The following GBE1 variants were observed in gnomAD, a reference collection of about 807,000 sequenced individuals.
GBE1 encodes 1,4-alpha-glucan-branching enzyme.
Under a neutral mutation model 88.8 loss-of-function variants are expected in GBE1, and 70 were observed. The observed-to-expected ratio is 0.79, with a 90% CI of 0.65 to 0.96. The LOEUF (loss-of-function observed/expected upper bound fraction) is 0.96, where lower values mean the gene tolerates loss of function less well. GBE1 is among the 40% of genes least tolerant of loss of function. The pLI is 0.00. For synonymous variants in GBE1, 284 were observed against 300.1 expected (o/e 0.95, Z 0.56); for missense variants, 872 against 871.0 (o/e 1.00, Z -0.01).
At chr3:81,727,015 G>A (rs1706122434) in intron 1 of GBE1, among the ~76,000 whole-genome samples, 1 of 152,260 alleles carries the variant, frequency 6.6e-6, no homozygotes, top group East Asian at 1.9e-4. Flanking sequence ...GATGGGTGGA[G>A]GAGGGTATGG....
intron 1 of GBE1, among the ~76,000 whole-genome samples, chr3:81,709,800 T>C (rs980567502): frequency 1.3e-5 from 2 of 152,164 alleles, no homozygotes; most frequent in Non-Finnish European, 2.9e-5. Flanking sequence ...TTGAAATCAT[T>C]GTGGCTCAAA....
intron 7 of GBE1, among the ~76,000 whole-genome samples, chr3:81,641,660 C>T (rs1157721945): frequency 6.6e-6 from 1 of 151,996 alleles, no homozygotes; most frequent in African/African-American, 2.4e-5. Flanking sequence ...ACTGTCTTAT[C>T]TGGCATGAGT....
chr3:81,721,188 A>G (rs1706022328), intron 1 of GBE1, among the ~76,000 whole-genome samples: 1 of 105,866 alleles, frequency 9.4e-6, no homozygotes. Context: ...GTACCCTAAA[A>G]CTTAGAGTAT....
chr3:81,728,690 A>G (rs971793993), intron 1 of GBE1, among the ~76,000 whole-genome samples: 7 of 152,170 alleles, frequency 4.6e-5, no homozygotes, highest in African/African-American at 1.7e-4. Flanking sequence ...GAAGAAAAGG[A>G]AAAAGAAAGA....
intron 3 of GBE1, chr3:81,650,237 A>C (rs1704826309): frequency 5.4e-6 from 1 of 183,880 alleles, no homozygotes; most frequent in Non-Finnish European, 1.1e-5. Context: ...TATTATTTGG[A>C]AGCTTCTGTC....
intron 7 of GBE1, among the ~76,000 whole-genome samples, chr3:81,634,490 T>C (rs1704563837): frequency 6.6e-6 from 1 of 152,164 alleles, no homozygotes; most frequent in South Asian, 2.1e-4. Flanking sequence ...GGGGGAAACA[T>C]CTTGTGTGGC....
intron 7 of GBE1, among the ~76,000 whole-genome samples, chr3:81,628,221 C>T (rs1305513568): frequency 6.6e-6 from 1 of 152,116 alleles, no homozygotes; most frequent in Non-Finnish European, 1.5e-5. Context: ...GTATCATCCT[C>T]TTTAGACTTT....
chr3:81,687,351 A>G (rs919585833), intron 2 of GBE1, among the ~76,000 whole-genome samples: 4 of 152,228 alleles, frequency 2.6e-5, no homozygotes, highest in Admixed American at 2.6e-4. Context: ...AATGGGATTC[A>G]AAGTATGGAT....
At chr3:81,528,701 A>T (rs530677408) in intron 14 of GBE1, among the ~76,000 whole-genome samples, 2 of 152,098 alleles carry the variant, frequency 1.3e-5, no homozygotes, top group South Asian at 4.1e-4. Context: ...CTCTTGTTGA[A>T]TTGACCCTTT....
intron 1 of GBE1, among the ~76,000 whole-genome samples, chr3:81,752,749 CA>C (rs575790415): frequency 3.3e-5 from 5 of 150,244 alleles, no homozygotes; most frequent in Non-Finnish European, 7.4e-5. Flanking sequence ...CTCCTACTAA[CA>C]AAAAAAAAGA....
chr3:81,555,779 C>T (rs1322550072), intron 12 of GBE1, among the ~76,000 whole-genome samples: 1 of 152,058 alleles, frequency 6.6e-6, no homozygotes, highest in East Asian at 1.9e-4. Flanking sequence ...TTAAATATCC[C>T]CTCCTCTGAC....
chr3:81,737,238 AATATTTATATAT>A (rs1287973608), intron 1 of GBE1, among the ~76,000 whole-genome samples: 1 of 143,018 alleles, frequency 7.0e-6, no homozygotes, highest in Non-Finnish European at 1.5e-5. Context: ...GAAGTAAATG[AATATTTATATAT>A]ATATTTATAT....
intron 6 of GBE1, 36 bp from the exon 7 acceptor site, chr3:81,643,026 T>G: frequency 7.0e-7 from 1 of 1,421,418 alleles, no homozygotes; most frequent in Non-Finnish European, 9.8e-7. Context: ...GAAGATTACA[T>G]CACATTTAGA....
intron 7 of GBE1, chr3:81,613,091 T>C (rs1355177232): frequency 3.4e-6 from 2 of 596,768 alleles, no homozygotes; most frequent in East Asian, 1.4e-4. Context: ...AGAACACTGA[T>C]GGATTCCGAC....
chr3:81,703,995 C>T (rs1397747301), intron 2 of GBE1, among the ~76,000 whole-genome samples: 1 of 151,758 alleles, frequency 6.6e-6, no homozygotes, highest in Non-Finnish European at 1.5e-5. Flanking sequence ...GAACAAGTTC[C>T]CCATTGACAC....
intron 7 of GBE1, among the ~76,000 whole-genome samples, chr3:81,632,666 C>G (rs1351566411): frequency 6.6e-6 from 1 of 152,072 alleles, no homozygotes; most frequent in Non-Finnish European, 1.5e-5. Context: ...GGATCTAGAA[C>G]TAGAAATATC....
intron 14 of GBE1, chr3:81,534,957 G>C (rs1258242780): frequency 7.8e-6 from 3 of 385,632 alleles, no homozygotes; most frequent in Non-Finnish European, 1.4e-5. Flanking sequence ...CCTTTGATGT[G>C]AACCACGTCT....
In GBE1 at chr3:81,705,528, C is replaced by T. The variant is rs1197663123; in HGVS notation, c.229G>A (p.Gly77Ser). 1.9e-6 allele frequency: 3 copies of T among 1,601,342 alleles called. No homozygotes were observed. Among genetic ancestry groups the T allele is most frequent in the Non-Finnish European group, 1.7e-6 (2 of 1,173,500 alleles). Residue 77 changes from glycine to serine, a missense_variant, in exon 2 of 16, where the codon GGC (glycine) becomes AGC (serine). Physicochemically the swap from Gly to Ser is moderately conservative, Grantham distance 56. Coordinates refer to ENST00000429644, the MANE Select transcript of GBE1 (RefSeq NM_000158.4). ...CCACCATCAGCACATCTGTGGACGCCAAATGATTCATAGCCTCTGGAAAAC... is the reference window on the plus strand; with the variant it reads ...CCACCATCAGCACATCTGTGGACGCTAAATGATTCATAGCCTCTGGAAAAC... ...DKFSRGYESF[G>S]VHRCADGGLY...
intron 1 of GBE1, among the ~76,000 whole-genome samples, chr3:81,722,879 C>T (rs911130980): frequency 8.4e-5 from 12 of 142,732 alleles, no homozygotes; most frequent in South Asian, 6.5e-4. Flanking sequence ...GGCACACACA[C>T]GTGTGTGTGT....
Sources: allele counts gnomAD v4.1 joint callset (sites outside exome capture counted in the v4.1 genomes callset), GRCh38; gene constraint gnomAD v4.1.1; transcripts MANE v1.5; gene names NCBI Gene and HGNC (gene_info 2026-07-23, HGNC 2026-07-21).